Variants in CPA4 observed in about 807,000 individuals in gnomAD.
CPA4 encodes carboxypeptidase A4.
A neutral mutation model predicts 54.7 loss-of-function variants in CPA4; 49 were observed. The observed-to-expected ratio is 0.90, with a 90% CI of 0.71 to 1.14. The LOEUF (loss-of-function observed/expected upper bound fraction) is 1.14, where lower values mean the gene tolerates loss of function less well. Among genes scored for constraint, CPA4 ranks in the 50% most tolerant of loss-of-function variants. CPA4 has a pLI of 0.00. For missense variants in CPA4, 487 were observed against 525.1 expected (o/e 0.93, Z 0.71); for synonymous variants, 215 against 206.8 (o/e 1.04, Z -0.34).
Position 130,298,651 on chromosome 7 carries a change from T to C in CPA4, c.69-95T>C, listed in dbSNP as rs1793690725. The C allele has an allele frequency of 5.4e-6, 4 of 739,802 alleles. No individual in the cohort carries two copies. The Admixed American group carries it at 6.6e-5, about 12-fold the overall frequency. 45.8% of individuals were successfully genotyped at this position (739,802 alleles called of 1,614,324 possible). ...CTAGACCATTTCCTTTCTTTTGGCCTGGTTACGTCTGGGATAGGAGGCTTG... is the reference window on the plus strand; with the variant it reads ...CTAGACCATTTCCTTTCTTTTGGCCCGGTTACGTCTGGGATAGGAGGCTTG... On this transcript the variant is annotated intron_variant, in intron 1 of 10. Transcript: ENST00000222482.
At chr7:130,313,187 T>G (rs1331090197) in intron 10 of CPA4, among the ~76,000 whole-genome samples, 3 of 152,148 alleles carry the variant, frequency 2.0e-5, no homozygotes, top group Admixed American at 1.3e-4. Flanking sequence ...TAGATGTTTT[T>G]GGGTAGTAGT....
Position 130,310,956 on chromosome 7 carries a change from A to G in CPA4, c.963A>G (p.Ser321=), listed in dbSNP as rs1199296798. 6.2e-7 allele frequency: 1 copy of G among 1,614,134 alleles called. No individual in the cohort carries two copies. The highest frequency in any genetic ancestry group is 8.5e-7 in the Non-Finnish European group (1 of 1,180,022). ...TGCTGATGTATCCATATGGGTACTC[A>G]GTCAAAAAGGCCCCAGATGCCGAGG... ...SQLLMYPYGY[S]VKKAPDAEEL... is the part of the protein sequence containing the mutation. Residue 321 remains serine, a synonymous_variant, in exon 9 of 11, where the codon TCA becomes TCG. Transcript: ENST00000222482. This position sits in a 1 kb window ranked among gnomAD's most constrained non-coding sequence, Gnocchi z 4.3.
At chr7:130,316,969 A>T (rs1218338166) in intron 10 of CPA4, among the ~76,000 whole-genome samples, 2 of 151,886 alleles carry the variant, frequency 1.3e-5, no homozygotes, top group African/African-American at 4.8e-5. Context: ...GGTAGCATAT[A>T]TGAAGAGAGA....
At chr7:130,301,006 C>A in intron 4 of CPA4, 92 bp downstream of exon 4, 3 of 788,550 alleles carry the variant, frequency 3.8e-6, no homozygotes, top group Non-Finnish European at 6.6e-6. Flanking sequence ...TAGTCTTCAG[C>A]ACAATATCCC....
rs541622824 is a variant in CPA4, at chr7:130,304,518, A to T, written c.425A>T (p.Asp142Val). 6.2e-7 allele frequency: 1 copy of T among 1,613,750 alleles called. No individual in the cohort carries two copies. The highest frequency in any genetic ancestry group is 2.2e-5 in the East Asian group (1 of 44,892). Residue 142 changes from aspartate (D) to valine (V), a missense_variant, in exon 5 of 11, where the codon GAC becomes GTC. Coordinates refer to ENST00000222482, the MANE Select transcript of CPA4 (RefSeq NM_016352.4). Reference sequence around the variant, plus strand: ...GACAACATTGCCGCAGACTTTCCTGACCTGGCGAGGAGGGTGAAGATTGGA... The same window carrying T: ...GACAACATTGCCGCAGACTTTCCTGTCCTGGCGAGGAGGGTGAAGATTGGA... ...EMDNIAADFP[D>V]LARRVKIGHS...
rs1198803572 is a variant in CPA4 at position 130,310,060 on chromosome 7, C to T, written c.794-727C>T. Among the ~76,000 whole-genome samples, 1 of 152,170 alleles carries T rather than the reference C, an allele frequency of 6.6e-6. No individual in the cohort carries two copies. Among genetic ancestry groups the T allele is most frequent in the African/African-American group, 2.4e-5 (1 of 41,424 alleles). ...GGGATTATAGACATGAGGCACTGTG[C>T]CCGGCCCCGATGGTTTGTTTTTAAT... is the stretch of plus-strand genomic sequence containing the variant. On this transcript the variant is annotated intron_variant, in intron 8 of 10. Transcript: ENST00000222482. This position sits in a 1 kb window ranked among gnomAD's most constrained non-coding sequence, Gnocchi z 4.3.
intron 1 of CPA4, among the ~76,000 whole-genome samples, chr7:130,296,018 C>T (rs1316277709): frequency 6.6e-6 from 1 of 152,146 alleles, no homozygotes; most frequent in Non-Finnish European, 1.5e-5. Context: ...ACTACCACAA[C>T]CGCCAATGTT....
chr7:130,308,530 C>G, intron 8 of CPA4, 133 bp downstream of exon 8: 1 of 702,164 alleles, frequency 1.4e-6, no homozygotes. Context: ...GACTGAGGAG[C>G]ACTCCTTAGG....
At chr7:130,294,276 C>T (rs947598260) in intron 1 of CPA4, among the ~76,000 whole-genome samples, 1 of 152,208 alleles carries the variant, frequency 6.6e-6, no homozygotes, top group African/African-American at 2.4e-5. Context: ...AATCCTATAT[C>T]TCTTGGATCT....
chr7:130,319,216 C>T (rs1341249734), intron 10 of CPA4, among the ~76,000 whole-genome samples: 2 of 152,162 alleles, frequency 1.3e-5, no homozygotes, highest in Non-Finnish European at 2.9e-5. Context: ...TGATTCTGCT[C>T]CAGGAAGGGC....
chr7:130,293,795 G>A (rs1793607497), intron 1 of CPA4, among the ~76,000 whole-genome samples: 1 of 152,110 alleles, frequency 6.6e-6, no homozygotes. Flanking sequence ...CTTTCTTACT[G>A]GCTTCTGGGA....
At chr7:130,300,185 A>G (rs186556733) in intron 3 of CPA4, among the ~76,000 whole-genome samples, 123 of 152,258 alleles carry the variant, frequency 8.1e-4, no homozygotes, top group African/African-American at 2.9e-3. Context: ...ATGGTTTCCC[A>G]AGCTGTGTAT....
In CPA4 at chr7:130,310,113, C is replaced by G. The variant is rs1793888070; in HGVS notation, c.794-674C>G. Among the ~76,000 whole-genome samples, 1 of 152,106 alleles carries G rather than the reference C, an allele frequency of 6.6e-6. No homozygotes were observed. Among genetic ancestry groups the G allele is most frequent in the South Asian group, 2.1e-4 (1 of 4,820 alleles). ...GCTTCTTTTACTTGTATAGAAATACCACACAAACCATTGGGGGAAAATAAT... is the reference window on the plus strand; with the variant it reads ...GCTTCTTTTACTTGTATAGAAATACGACACAAACCATTGGGGGAAAATAAT... On this transcript the variant is annotated intron_variant, in intron 8 of 10. Transcript: ENST00000222482. This position sits in a 1 kb window ranked among gnomAD's most constrained non-coding sequence, Gnocchi z 4.3.
At chr7:130,314,660 G>A (rs938149707) in intron 10 of CPA4, among the ~76,000 whole-genome samples, 4 of 152,158 alleles carry the variant, frequency 2.6e-5, no homozygotes, top group Non-Finnish European at 5.9e-5. Context: ...GATGTGATTA[G>A]GGAATTTATA....
In CPA4 at chr7:130,322,556, G is replaced by C. The variant is rs375736595; in HGVS notation, c.1146G>C (p.Glu382Asp). 1 of 1,614,174 alleles carries C rather than the reference G, an allele frequency of 6.2e-7. No individual in the cohort carries two copies. The highest frequency in any genetic ancestry group is 8.5e-7 in the Non-Finnish European group (1 of 1,180,008). ...GCATCAAATTTGCATTCACATTTGA[G>C]TTGAGAGATACCGGGACCTATGGCT... The part of the protein sequence containing the change: ...DNGIKFAFTF[E>D]LRDTGTYGFL... The change falls in exon 11 of 11, where the codon GAG (glutamate) becomes GAC (aspartate). Residue 382 changes from glutamate (E) to aspartate (D), a missense_variant. Transcript: ENST00000222482.
At chr7:130,309,071 C>A (rs1232814192) in intron 8 of CPA4, among the ~76,000 whole-genome samples, 1 of 152,142 alleles carries the variant, frequency 6.6e-6, no homozygotes, top group Non-Finnish European at 1.5e-5. Context: ...GTCTTGAACT[C>A]CTGAACTCAG....
chr7:130,301,909 G>A (rs1031896451), intron 4 of CPA4, among the ~76,000 whole-genome samples: 4 of 152,216 alleles, frequency 2.6e-5, no homozygotes, highest in Admixed American at 1.3e-4. Flanking sequence ...AGCCCACACA[G>A]GGATCAAGCC....
intron 9 of CPA4, 111 bp from the exon 10 acceptor site, chr7:130,311,927 A>G: frequency 1.3e-6 from 1 of 782,088 alleles, no homozygotes; most frequent in Non-Finnish European, 2.2e-6. Context: ...GGGACCAGAA[A>G]GGAAATCGGG....
intron 10 of CPA4, among the ~76,000 whole-genome samples, chr7:130,313,038 G>A (rs1399679028): frequency 6.6e-6 from 1 of 152,148 alleles, no homozygotes; most frequent in African/African-American, 2.4e-5. Flanking sequence ...TGCCCAAGAT[G>A]GTGATGCTCC....
Sources: gnomAD v4.1 joint callset for allele counts (sites outside exome capture counted in the v4.1 genomes callset) on GRCh38, gnomAD v4.1.1 for gene constraint, Gnocchi (gnomAD v3.1) non-coding constraint, MANE v1.5 for transcripts, NCBI Gene and HGNC (gene_info 2026-07-23, HGNC 2026-07-21) for gene names.